NALF1: variants seen among roughly 807,000 people sequenced by gnomAD.
NALF1 encodes the protein family with sequence similarity 155 member A.
Under a neutral mutation model 48.4 loss-of-function variants are expected in NALF1, and 3 were observed. The ratio of observed to expected loss-of-function variants is 0.06; its 90% CI spans 0.03 to 0.16. The LOEUF (loss-of-function observed/expected upper bound fraction) is 0.16, where lower values mean the gene tolerates loss of function less well. Ranked by LOEUF, NALF1 falls within the 10% of genes least tolerant of loss-of-function variation. The probability of loss-of-function intolerance (pLI) is 1.00; values close to 1 mark genes in which losing one functional copy is unlikely to be tolerated. For synonymous variants in NALF1, 262 were observed against 245.7 expected, an observed-to-expected ratio of 1.07 and a Z score of -0.62; for missense variants, 526 against 571.5, an observed-to-expected ratio of 0.92 and a Z score of 0.81.
At chr13:107,652,840 T>A (rs149758698) in intron 1 of NALF1, among the ~76,000 whole-genome samples, 301 of 152,268 alleles carry the variant, frequency 2.0e-3, no homozygotes, top group African/African-American at 6.5e-3. Context: ...CCTTTCTCCT[T>A]GGAATTACTT....
chr13:107,349,854 T>C (rs933138071), intron 1 of NALF1, among the ~76,000 whole-genome samples: 1 of 152,128 alleles, frequency 6.6e-6, no homozygotes, highest in Non-Finnish European at 1.5e-5. Context: ...CCCTTGTTTA[T>C]ATTCTCTATT....
chr13:107,608,749 C>T (rs1406230881), intron 1 of NALF1, among the ~76,000 whole-genome samples: 1 of 152,188 alleles, frequency 6.6e-6, no homozygotes, highest in Non-Finnish European at 1.5e-5. Flanking sequence ...AATTCATCCC[C>T]AAGGCTAAGG....
intron 1 of NALF1, among the ~76,000 whole-genome samples, chr13:107,685,211 G>A (rs1297424306): frequency 6.6e-6 from 1 of 152,152 alleles, no homozygotes; most frequent in African/African-American, 2.4e-5. Context: ...CTACTCAGGA[G>A]GCTGAGGCAG....
chr13:107,865,644 A>C, intron 1 of NALF1, 38 bp downstream of exon 1: 1 of 1,588,534 alleles, frequency 6.3e-7, no homozygotes, highest in Non-Finnish European at 8.6e-7. Context: ...CAGAGATAGG[A>C]AAGTGCAGGA....
intron 1 of NALF1, among the ~76,000 whole-genome samples, chr13:107,370,158 A>G (rs1231342830): frequency 6.6e-6 from 1 of 152,142 alleles, no homozygotes; most frequent in East Asian, 1.9e-4. Context: ...CTCTACTTTC[A>G]TATTCTGCAT....
intron 1 of NALF1, among the ~76,000 whole-genome samples, chr13:107,314,345 C>T (rs569036841): frequency 6.6e-6 from 1 of 152,112 alleles, no homozygotes; most frequent in South Asian, 2.1e-4. Flanking sequence ...TTTTCCTTGC[C>T]TTAGGATACT....
chr13:107,733,804 A>G (rs974380905), intron 1 of NALF1, among the ~76,000 whole-genome samples: 2 of 152,182 alleles, frequency 1.3e-5, no homozygotes, highest in East Asian at 3.9e-4. Flanking sequence ...GACACAACTT[A>G]TATCTATTTC....
rs1004594693 is a variant in NALF1 at position 107,494,065 on chromosome 13, A to G, written c.916-283310T>C. On this transcript the variant is annotated intron_variant, in intron 1 of 2. Transcript: ENST00000375915. ...GTACACTAAAATTTATTTCTACTTC[A>G]TAAATGTGGTTCTGAAAATTGATAT... is the stretch of plus-strand genomic sequence containing the variant. Among the ~76,000 whole-genome samples the G allele has an allele frequency of 2.4e-4, 33 of 138,482 alleles. 3 individuals carry two copies. The highest frequency in any genetic ancestry group is 7.7e-4 in the African/African-American group (22 of 28,644). 90.8% of individuals were successfully genotyped at this position (138,482 alleles called of 152,430 possible).
intron 1 of NALF1, among the ~76,000 whole-genome samples, chr13:107,275,610 T>TGCCTCCA (rs1037943159): frequency 6.6e-5 from 10 of 152,196 alleles, no homozygotes; most frequent in Non-Finnish European, 1.2e-4. Flanking sequence ...GACTTAGCTT[T>TGCCTCCA]GCCTCCAGCT....
chr13:107,196,928 A>G (rs1006030343), intron 2 of NALF1, among the ~76,000 whole-genome samples: 3 of 152,278 alleles, frequency 2.0e-5, no homozygotes, highest in Non-Finnish European at 2.9e-5. Context: ...TATGTTTGCT[A>G]TGGTTTGAAT....
intron 1 of NALF1, among the ~76,000 whole-genome samples, chr13:107,856,085 C>A (rs1342448646): frequency 6.6e-6 from 1 of 152,074 alleles, no homozygotes; most frequent in African/African-American, 2.4e-5. Context: ...TAAAAATTTT[C>A]TTGTAGAGAC....
At chr13:107,570,107 C>T (rs989127732) in intron 1 of NALF1, among the ~76,000 whole-genome samples, 1 of 151,974 alleles carries the variant, frequency 6.6e-6, no homozygotes, top group African/African-American at 2.4e-5. Context: ...AATTGCTGTA[C>T]ACCTTGGTGT....
chr13:107,523,506 A>C (rs1876319712), intron 1 of NALF1, among the ~76,000 whole-genome samples: 1 of 148,998 alleles, frequency 6.7e-6, no homozygotes. Context: ...ATATCTCCTA[A>C]TGCTATCCTT....
At chr13:107,175,011 G>A (rs1198420129) in intron 2 of NALF1, among the ~76,000 whole-genome samples, 1 of 143,146 alleles carries the variant, frequency 7.0e-6, no homozygotes, top group Non-Finnish European at 1.5e-5. Flanking sequence ...AGCCTCCCGA[G>A]TAGCTGGGAC....
chr13:107,612,984 G>T (rs371215452), intron 1 of NALF1, among the ~76,000 whole-genome samples: 40 of 147,504 alleles, frequency 2.7e-4, no homozygotes, highest in South Asian at 4.3e-4. Context: ...GTTTTTTTGG[G>T]TTTTTTTCCC....
At chr13:107,810,804 C>A (rs1306781165) in intron 1 of NALF1, among the ~76,000 whole-genome samples, 1 of 151,978 alleles carries the variant, frequency 6.6e-6, no homozygotes, top group Non-Finnish European at 1.5e-5. Context: ...CAAAAAAAGT[C>A]ATTCTGTGAA....
intron 1 of NALF1, among the ~76,000 whole-genome samples, chr13:107,270,292 T>C (rs1437450759): frequency 6.6e-6 from 1 of 152,160 alleles, no homozygotes; most frequent in Non-Finnish European, 1.5e-5. Flanking sequence ...CCAATTTTAC[T>C]GCAATCTCAT....
rs1883085797 is a variant in NALF1, at chr13:107,362,703, C to T, written c.916-151948G>A. Among the ~76,000 whole-genome samples, 1 of 152,072 alleles carries T rather than the reference C, an allele frequency of 6.6e-6. No individual in the cohort carries two copies. Among genetic ancestry groups the T allele is most frequent in the African/African-American group, 2.4e-5 (1 of 41,404 alleles). ...ATTTTGCTGGGGGGACACAATTCTA[C>T]CACCGACAAGTGTCTGGAGGGATGT... is the stretch of plus-strand genomic sequence containing the variant. On this transcript the variant is annotated intron_variant, in intron 1 of 2. Transcript: ENST00000375915. The surrounding 1 kb of genome is among the most constrained non-coding windows in gnomAD (Gnocchi z 4.6).
At chr13:107,772,097 C>G (rs1229829797) in intron 1 of NALF1, among the ~76,000 whole-genome samples, 1 of 151,898 alleles carries the variant, frequency 6.6e-6, no homozygotes, top group African/African-American at 2.4e-5. Flanking sequence ...AAAATTAATC[C>G]TCTATCACAA....
Sources: gnomAD v4.1 joint callset for allele counts (sites outside exome capture counted in the v4.1 genomes callset) on GRCh38, gnomAD v4.1.1 for gene constraint, Gnocchi (gnomAD v3.1) non-coding constraint, MANE v1.5 for transcripts, NCBI Gene and HGNC (gene_info 2026-07-23, HGNC 2026-07-21) for gene names.